The following CFAP91 variants were observed in gnomAD, a reference collection of about 807,000 sequenced individuals.
CFAP91 encodes the protein cilia and flagella associated protein 91, also known as cilia- and flagella-associated protein 91.
Under a neutral mutation model 95.9 loss-of-function variants are expected in CFAP91, and 85 were observed. The observed-to-expected ratio is 0.89, with a 90% CI of 0.74 to 1.06. The LOEUF (loss-of-function observed/expected upper bound fraction) is 1.06. Among genes scored for constraint, CFAP91 ranks in the 50% least tolerant of loss-of-function variants. CFAP91 has a pLI of 0.00. For missense variants in CFAP91, 962 were observed against 943.4 expected (o/e 1.02, Z -0.26); for synonymous variants, 335 against 327.5 (o/e 1.02, Z -0.25).
At chr3:119,742,033 G>A (rs555006299) in intron 13 of CFAP91, among the ~76,000 whole-genome samples, 11 of 152,312 alleles carry the variant, frequency 7.2e-5, no homozygotes, top group East Asian at 1.9e-4. Flanking sequence ...CCCTGGAAGC[G>A]CTAGGCCCTG....
rs763242850 is a variant in CFAP91, at chr3:119,737,448, G to A, written c.1427G>A (p.Arg476Gln). Reference protein sequence around the residue: ...FLQRNPIPQPRLPTPTLEMTS... With the variant: ...FLQRNPIPQPQLPTPTLEMTS... ...CAAAGAAACCCAATACCTCAACCTCGGCTTCCAACTCCAACCTTGGAAATG... is the reference window on the plus strand; with the variant it reads ...CAAAGAAACCCAATACCTCAACCTCAGCTTCCAACTCCAACCTTGGAAATG... The change falls in exon 11 of 18, where the codon CGG becomes CAG. Residue 476 changes from arginine (R) to glutamine (Q), a missense_variant. Arg to Gln is a conservative substitution (Grantham distance 43). Transcript: ENST00000273390. The A allele has an allele frequency of 6.2e-6, 10 of 1,609,218 alleles. No individual in the cohort carries two copies. In the East Asian group the frequency reaches 6.7e-5, roughly 11 times the overall value.
chr3:119,731,268 A>G (rs1027573912), intron 8 of CFAP91, among the ~76,000 whole-genome samples: 1 of 152,214 alleles, frequency 6.6e-6, no homozygotes, highest in Non-Finnish European at 1.5e-5. Context: ...TTACATGTGC[A>G]GACTATTTAT....
chr3:119,719,646 C>T (rs2053642882), intron 6 of CFAP91, among the ~76,000 whole-genome samples: 3 of 152,058 alleles, frequency 2.0e-5, no homozygotes, highest in Admixed American at 2.0e-4. Context: ...AAGTAATTTT[C>T]TAATGAAGAT....
At chr3:119,714,302 C>G (rs1394254557) in intron 5 of CFAP91, among the ~76,000 whole-genome samples, 2 of 148,704 alleles carry the variant, frequency 1.3e-5, no homozygotes, top group Non-Finnish European at 3.0e-5. Flanking sequence ...GGAGGCGGAG[C>G]TTGCAGTGAG....
intron 2 of CFAP91, chr3:119,707,110 A>G (rs1360515683): frequency 1.8e-6 from 1 of 551,466 alleles, no homozygotes; most frequent in Non-Finnish European, 3.2e-6. Flanking sequence ...AATTTATTTC[A>G]ATGGGATAAA....
chr3:119,725,281 G>A (rs1180240756), intron 6 of CFAP91, among the ~76,000 whole-genome samples: 3 of 152,146 alleles, frequency 2.0e-5, no homozygotes, highest in South Asian at 4.1e-4. Context: ...CCAGTGTCTC[G>A]GAGCTGGTCA....
At chr3:119,720,394 C>T (rs1577209249) in intron 6 of CFAP91, among the ~76,000 whole-genome samples, 1 of 59,450 alleles carries the variant, frequency 1.7e-5, no homozygotes. Context: ...AAGACTCTGT[C>T]TCAAAAAAAA....
chr3:119,719,672 G>A (rs1189912680), intron 6 of CFAP91, among the ~76,000 whole-genome samples: 1 of 152,210 alleles, frequency 6.6e-6, no homozygotes, highest in Non-Finnish European at 1.5e-5. Flanking sequence ...ATACAGCCAA[G>A]CCTCTTGTAG....
chr3:119,737,494 A>ATGACGTC lies in CFAP91; in HGVS notation c.1461+12_1461+13insTGACGTC. The ATGACGTC allele has an allele frequency of 6.8e-7, 1 of 1,467,942 alleles. No individual in the cohort carries two copies. The highest frequency in any genetic ancestry group is 1.8e-5 in the Admixed American group (1 of 54,272). 90.9% of individuals were successfully genotyped at this position (1,467,942 alleles called of 1,614,324 possible). On this transcript the variant is annotated intron_variant, in intron 11 of 17. Coordinates refer to ENST00000273390, the MANE Select transcript of CFAP91 (RefSeq NM_033364.4). The stretch of plus-strand genomic sequence containing the variant: ...AAATGACGTCCAATGTAAGTTGGAA[A>ATGACGTC]CTTTTTAGTTGAAATGCTAAATTCA...
At position 119,715,642 on chromosome 3, in the gene CFAP91, A is replaced by G; in HGVS notation, c.581A>G (p.Asp194Gly). ...PSKSTVGTQT[D>G]YRDADVQTDP... The stretch of plus-strand genomic sequence containing the variant: ...AAGTCTACTGTGGGCACTCAGACTG[A>G]TTATCGGGATGCTGACGTTCAAACA... The change falls in exon 6 of 18, where the codon GAT (aspartate) becomes GGT (glycine). Residue 194 changes from aspartate (D) to glycine (G), a missense_variant. Coordinates refer to ENST00000273390, the MANE Select transcript of CFAP91 (RefSeq NM_033364.4). 3 of 1,613,500 alleles carry G rather than the reference A, an allele frequency of 1.9e-6. No individual in the cohort carries two copies. The highest frequency in any genetic ancestry group is 2.2e-5 in the South Asian group (2 of 91,076).
chr3:119,735,565 C>A (rs1424947578), intron 10 of CFAP91, among the ~76,000 whole-genome samples: 1 of 152,188 alleles, frequency 6.6e-6, no homozygotes, highest in African/African-American at 2.4e-5. Flanking sequence ...TAACCTCTAA[C>A]TCAATTGCAT....
At chr3:119,731,603 C>T (rs376824780) in intron 8 of CFAP91, among the ~76,000 whole-genome samples, 1 of 152,160 alleles carries the variant, frequency 6.6e-6, no homozygotes, top group East Asian at 1.9e-4. Context: ...TAAACAATAT[C>T]CCCAAGACAG....
Position 119,703,169 on chromosome 3 carries a change from G to A in CFAP91, c.71G>A (p.Arg24Lys), listed in dbSNP as rs746646225. The change falls in exon 1 of 18, where the codon AGG (arginine) becomes AAG (lysine). Residue 24 changes from arginine to lysine, a missense_variant. By Grantham distance (26) the Arg-to-Lys change is conservative (BLOSUM62 2). Coordinates refer to ENST00000273390, the MANE Select transcript of CFAP91 (RefSeq NM_033364.4). ...PQVSQTRYRE[R>K]SRAGSHISSN... ...GTGTCTCAAACTCGGTACCGGGAGA[G>A]GTCGCGGGCTGGGAGCCACATCTCC... 5 of 1,607,358 alleles carry A rather than the reference G, an allele frequency of 3.1e-6. No homozygotes were observed. Among genetic ancestry groups the A allele is most frequent in the Non-Finnish European group, 4.2e-6 (5 of 1,176,776 alleles).
chr3:119,715,498 G>C, intron 5 of CFAP91, 64 bp from the exon 6 acceptor site: 1 of 1,323,742 alleles, frequency 7.6e-7, no homozygotes, highest in Non-Finnish European at 1.1e-6. Context: ...GTTTCTACTT[G>C]ATTATATAAT....
Position 119,703,030 on chromosome 3 carries a change from A to G in CFAP91, c.-69A>G. ...CCTGCGCGCCGGCGGCCGTTACCAT[A>G]GCGACGTGCACGCAGTAGCCAGGCC... On this transcript the variant is annotated 5_prime_UTR_variant, in exon 1 of 18. It adds an upstream start codon to the 5' untranslated region. Coordinates refer to ENST00000273390, the MANE Select transcript of CFAP91 (RefSeq NM_033364.4). 6.6e-7 allele frequency: 1 copy of G among 1,515,692 alleles called. No individual in the cohort carries two copies. Among genetic ancestry groups the G allele is most frequent in the African/African-American group, 1.4e-5 (1 of 72,362 alleles). 93.9% of individuals were successfully genotyped at this position (1,515,692 alleles called of 1,614,324 possible).
intron 13 of CFAP91, among the ~76,000 whole-genome samples, chr3:119,741,655 T>C (rs996723256): frequency 3.9e-5 from 6 of 152,242 alleles, no homozygotes; most frequent in Non-Finnish European, 5.9e-5. Context: ...CTCTCCCACT[T>C]TTCTGTAAGT....
chr3:119,709,720 T>A, intron 4 of CFAP91, 119 bp from the exon 5 acceptor site: 1 of 757,236 alleles, frequency 1.3e-6, no homozygotes, highest in South Asian at 1.6e-5. Flanking sequence ...TGAGTAACAC[T>A]GATATATGGG....
chr3:119,721,544 A>G (rs1438856104), intron 6 of CFAP91, among the ~76,000 whole-genome samples: 2 of 152,222 alleles, frequency 1.3e-5, no homozygotes, highest in Admixed American at 6.5e-5. Context: ...GCATTTTTCT[A>G]TGTAATAATG....
chr3:119,718,385 T>C (rs1299694088), intron 6 of CFAP91, among the ~76,000 whole-genome samples: 1 of 152,094 alleles, frequency 6.6e-6, no homozygotes, highest in East Asian at 1.9e-4. Flanking sequence ...ACAGATTAAA[T>C]GGACACATAT....
Sources: gnomAD v4.1 joint callset for allele counts (sites outside exome capture counted in the v4.1 genomes callset) on GRCh38, gnomAD v4.1.1 for gene constraint, MANE v1.5 for transcripts, NCBI Gene and HGNC (gene_info 2026-07-23, HGNC 2026-07-21) for gene names.